Variants in TIAM2 observed in about 807,000 individuals in gnomAD.
The protein encoded by TIAM2 is rho guanine nucleotide exchange factor TIAM2.
TIAM2 carries 80 observed loss-of-function variants against 152.9 expected under a neutral mutation model. The ratio of observed to expected loss-of-function variants is 0.52; its 90% CI spans 0.44 to 0.63. The LOEUF (loss-of-function observed/expected upper bound fraction) is 0.63. TIAM2 is among the 30% of genes least tolerant of loss of function. TIAM2 has a pLI of 0.00. For synonymous variants in TIAM2, 804 were observed against 838.0 expected, an observed-to-expected ratio of 0.96 and a Z score of 0.70; for missense variants, 1,965 against 2,120.1, an observed-to-expected ratio of 0.93 and a Z score of 1.44.
At chr6:155,114,050 C>CT (rs1275422426) in intron 2 of TIAM2, among the ~76,000 whole-genome samples, 695 of 58,226 alleles carry the variant, frequency 0.012, 33 homozygotes, top group African/African-American at 0.04. Flanking sequence ...TTTTTTTTTT[C>CT]TTTTTTTTTT....
At chr6:155,090,533 G>A (rs1449586529) in intron 2 of TIAM2, among the ~76,000 whole-genome samples, 154 bp downstream of exon 2, 1 of 152,162 alleles carries the variant, frequency 6.6e-6, no homozygotes, top group Non-Finnish European at 1.5e-5. Context: ...GCTGAATGCT[G>A]ATAATTGAGG....
Position 155,062,286 on chromosome 6 carries a change from C to T in TIAM2, c.-208-28003C>T, listed in dbSNP as rs188012216. On this transcript the variant is annotated intron_variant, in intron 1 of 26. Coordinates refer to ENST00000682666, the MANE Select transcript of TIAM2 (RefSeq NM_012454.4). ...CAATTTTTGGCAACTATGAATAAAGCTGCTATAAACAATTGTGTGCAGGTT... is the reference window on the plus strand; with the variant it reads ...CAATTTTTGGCAACTATGAATAAAGTTGCTATAAACAATTGTGTGCAGGTT... 1.1e-3 allele frequency among the ~76,000 whole-genome samples: 168 copies of T among 152,260 alleles called. 2 individuals are homozygous for T. The East Asian group carries it at 0.03, about 27-fold the overall frequency.
At chr6:155,238,443 T>C (rs1490926871) in intron 15 of TIAM2, among the ~76,000 whole-genome samples, 1 of 152,356 alleles carries the variant, frequency 6.6e-6, no homozygotes, top group East Asian at 1.9e-4. Context: ...TTTTCAGTTA[T>C]GTTTTCAGCA....
chr6:155,253,289 A>G (rs1036968278), intron 24 of TIAM2: 3 of 506,526 alleles, frequency 5.9e-6, no homozygotes, highest in Admixed American at 3.4e-5. Context: ...TATTTTCCCT[A>G]TCAATAGTTT....
chr6:155,045,050 C>CTTT (rs200620585), intron 1 of TIAM2, among the ~76,000 whole-genome samples: 5 of 132,050 alleles, frequency 3.8e-5, no homozygotes, highest in South Asian at 2.5e-4. Context: ...TTTTCTTTTT[C>CTTT]TTTTTTTTTT....
intron 1 of TIAM2, among the ~76,000 whole-genome samples, chr6:155,040,917 GA>G (rs925614890): frequency 3.5e-4 from 53 of 152,274 alleles, no homozygotes; most frequent in African/African-American, 1.3e-3. Flanking sequence ...GTCAAAGAAT[GA>G]GTGTCATTCT....
intron 1 of TIAM2, among the ~76,000 whole-genome samples, chr6:155,001,092 A>G (rs1328020703): frequency 9.4e-6 from 1 of 106,316 alleles, no homozygotes; most frequent in Non-Finnish European, 2.1e-5. Context: ...TAGATCATCA[A>G]AGGTGGTGGC....
chr6:155,215,567 G>A (rs1193393818), intron 15 of TIAM2, among the ~76,000 whole-genome samples: 1 of 152,074 alleles, frequency 6.6e-6, no homozygotes, highest in Non-Finnish European at 1.5e-5. Flanking sequence ...ATACCTAGCA[G>A]TTACTCAGTT....
intron 9 of TIAM2, among the ~76,000 whole-genome samples, chr6:155,171,379 A>T (rs1298245577): frequency 6.6e-6 from 1 of 152,228 alleles, no homozygotes; most frequent in Non-Finnish European, 1.5e-5. Flanking sequence ...GGAGATTGTG[A>T]CAACAAAGTC....
At chr6:155,028,535 T>C (rs1776689210) in intron 1 of TIAM2, among the ~76,000 whole-genome samples, 1 of 139,848 alleles carries the variant, frequency 7.2e-6, no homozygotes, top group Non-Finnish European at 1.5e-5. Context: ...ATATACTGTG[T>C]TACATATATA....
At chr6:155,204,973 G>A (rs1478539807) in intron 14 of TIAM2, among the ~76,000 whole-genome samples, 2 of 152,018 alleles carry the variant, frequency 1.3e-5, no homozygotes, top group East Asian at 1.9e-4. Flanking sequence ...GGCTGAAGGT[G>A]GAAGGGTAAA....
At chr6:155,132,987 C>A (rs986750817) in intron 4 of TIAM2, among the ~76,000 whole-genome samples, 3 of 152,200 alleles carry the variant, frequency 2.0e-5, no homozygotes, top group Non-Finnish European at 4.4e-5. Context: ...CTCCTACCCA[C>A]GGGAACTGGG....
At chr6:155,162,910 A>C (rs944403805) in intron 7 of TIAM2, among the ~76,000 whole-genome samples, 3 of 152,156 alleles carry the variant, frequency 2.0e-5, no homozygotes, top group Non-Finnish European at 2.9e-5. Context: ...ATGATTAAGA[A>C]ATTCTTTGTT....
chr6:155,172,643 TA>T (rs534871770), intron 9 of TIAM2, among the ~76,000 whole-genome samples: 14,065 of 35,782 alleles, frequency 0.39, 1,421 homozygotes, highest in Middle Eastern at 0.5. Flanking sequence ...TAGTTGGAAA[TA>T]TATATATATA....
At chr6:155,241,023 G>T (rs541732054) in intron 16 of TIAM2, among the ~76,000 whole-genome samples, 1 of 152,240 alleles carries the variant, frequency 6.6e-6, no homozygotes, top group African/African-American at 2.4e-5. Context: ...AGTATAAGGG[G>T]AGAGAGATCA....
intron 15 of TIAM2, among the ~76,000 whole-genome samples, chr6:155,215,430 G>C (rs538416039): frequency 6.6e-6 from 1 of 152,262 alleles, no homozygotes; most frequent in South Asian, 2.1e-4. Flanking sequence ...GAAAGAATAT[G>C]AGCATGTTAA....
intron 15 of TIAM2, among the ~76,000 whole-genome samples, chr6:155,229,334 TA>T (rs1782367487): frequency 6.6e-6 from 1 of 152,218 alleles, no homozygotes; most frequent in South Asian, 2.1e-4. Flanking sequence ...TCCATACTTG[TA>T]AAAATAGAAG....
chr6:155,035,226 A>ATTT (rs34425957), intron 1 of TIAM2, among the ~76,000 whole-genome samples: 2 of 137,002 alleles, frequency 1.5e-5, no homozygotes, highest in African/African-American at 5.3e-5. Flanking sequence ...GTATCGTCCT[A>ATTT]TTTTTTTTTT....
At chr6:155,016,857 G>A (rs1355271851) in intron 1 of TIAM2, among the ~76,000 whole-genome samples, 2 of 152,208 alleles carry the variant, frequency 1.3e-5, no homozygotes, top group Non-Finnish European at 2.9e-5. Flanking sequence ...CCAAGATCAT[G>A]CCACTGCACT....
Sources: gnomAD v4.1 joint callset for allele counts (sites outside exome capture counted in the v4.1 genomes callset) on GRCh38, gnomAD v4.1.1 for gene constraint, MANE v1.5 for transcripts, NCBI Gene and HGNC (gene_info 2026-07-23, HGNC 2026-07-21) for gene names.